The following PIEZO2 variants were observed in gnomAD, a reference collection of about 807,000 sequenced individuals.
PIEZO2 encodes the protein piezo-type mechanosensitive ion channel component 2.
In PIEZO2, 172 loss-of-function variants were observed where a neutral mutation model predicts 337.3. The observed-to-expected ratio is 0.51, with a 90% CI of 0.45 to 0.58. The LOEUF (loss-of-function observed/expected upper bound fraction) is 0.58, where lower values mean the gene tolerates loss of function less well. Among genes scored for constraint, PIEZO2 ranks in the 20% least tolerant of loss-of-function variants. PIEZO2 has a pLI of 0.00. For synonymous variants in PIEZO2, 1,251 were observed against 1,228.5 expected (o/e 1.02, Z -0.38); for missense variants, 3,028 against 3,391.3 (o/e 0.89, Z 2.66).
chr18:11,078,278 G>A lies in PIEZO2; in HGVS notation c.65-12056C>T, dbSNP rs2145972619. On this transcript the variant is annotated intron_variant, in intron 1 of 55. Coordinates refer to ENST00000674853, the MANE Select transcript of PIEZO2 (RefSeq NM_001378183.1). This position sits in a 1 kb window ranked among gnomAD's most constrained non-coding sequence, Gnocchi z 5.3. ...ATAGTTTCCTACTTTCAAGAACTTA[G>A]TAAAAATAGAATTTTTTGTAGACTT... Among the ~76,000 whole-genome samples, 1 of 152,242 alleles carries A rather than the reference G, an allele frequency of 6.6e-6. No individual in the cohort carries two copies. The highest frequency in any genetic ancestry group is 1.5e-5 in the Non-Finnish European group (1 of 68,014).
At chr18:10,758,667 T>C (rs769636256) in intron 26 of PIEZO2, among the ~76,000 whole-genome samples, 4 of 152,186 alleles carry the variant, frequency 2.6e-5, no homozygotes, top group Non-Finnish European at 4.4e-5. Flanking sequence ...TTCCCCATCT[T>C]TATCTTTTTA....
rs1339490005 is a variant in PIEZO2, at chr18:10,856,946, A to G, written c.703+55T>C. 2.6e-5 allele frequency: 38 copies of G among 1,437,734 alleles called. No homozygotes were observed. In the East Asian group the frequency reaches 8.2e-4, roughly 31 times the overall value. 89.1% of individuals were successfully genotyped at this position (1,437,734 alleles called of 1,614,324 possible). Reference sequence around the variant, plus strand: ...TCTTCTTCAACCATTTCTCTCATTCACCAAAGCACTGCTTGTGCCTTTTGC... The same window carrying G: ...TCTTCTTCAACCATTTCTCTCATTCGCCAAAGCACTGCTTGTGCCTTTTGC... On this transcript the variant is annotated intron_variant, in intron 6 of 55. Coordinates refer to ENST00000674853, the MANE Select transcript of PIEZO2 (RefSeq NM_001378183.1). This position sits in a 1 kb window ranked among gnomAD's most constrained non-coding sequence, Gnocchi z 4.7.
chr18:10,767,246 T>C lies in PIEZO2; in HGVS notation c.2946+2902A>G, dbSNP rs1413522256. Among the ~76,000 whole-genome samples the C allele has an allele frequency of 6.6e-6, 1 of 152,222 alleles. No homozygotes were observed. The highest frequency in any genetic ancestry group is 1.5e-5 in the Non-Finnish European group (1 of 68,038). ...AAAGCAGTGTCACTCCTGAATAAGA[T>C]GCTGATGGAAAATAAAGGTTTCTCT... On this transcript the variant is annotated intron_variant, in intron 21 of 55. Transcript: ENST00000674853. This position sits in a 1 kb window ranked among gnomAD's most constrained non-coding sequence, Gnocchi z 4.2.
intron 1 of PIEZO2, among the ~76,000 whole-genome samples, chr18:11,074,416 T>C (rs939211338): frequency 3.3e-5 from 5 of 152,230 alleles, no homozygotes; most frequent in African/African-American, 1.2e-4. Context: ...CATTGTAGTT[T>C]CCACTATTTG....
chr18:10,769,276 G>C (rs1473754537), intron 21 of PIEZO2, among the ~76,000 whole-genome samples: 2 of 152,180 alleles, frequency 1.3e-5, no homozygotes, highest in African/African-American at 4.8e-5. Context: ...GAATCTCGCA[G>C]ATAGAATGGC....
chr18:10,757,152 A>G (rs2037902220), intron 27 of PIEZO2, among the ~76,000 whole-genome samples: 1 of 148,360 alleles, frequency 6.7e-6, no homozygotes, highest in African/African-American at 2.5e-5. Flanking sequence ...TGAGGGATGG[A>G]GAATATGGAT....
chr18:11,137,490 CAGAG>C (rs769315706), intron 1 of PIEZO2, among the ~76,000 whole-genome samples: 5 of 152,184 alleles, frequency 3.3e-5, no homozygotes, highest in Admixed American at 2.6e-4. Context: ...AATTGAAAAA[CAGAG>C]AGTTTCTGTA....
rs1306007091 is a variant in PIEZO2, at chr18:10,716,129, G to C, written c.5090-313C>G. Among the ~76,000 whole-genome samples, 1 of 152,132 alleles carries C rather than the reference G, an allele frequency of 6.6e-6. No homozygotes were observed. The highest frequency in any genetic ancestry group is 2.4e-5 in the African/African-American group (1 of 41,422). ...TTTGGACAGCGTGGATCCACTCTAC[G>C]CGTGGATTGTTTTCAGTAAAAGTTA... On this transcript the variant is annotated intron_variant, in intron 37 of 55. Transcript: ENST00000674853. This position sits in a 1 kb window ranked among gnomAD's most constrained non-coding sequence, Gnocchi z 4.1.
chr18:10,706,667 A>G (rs185754097), intron 40 of PIEZO2, among the ~76,000 whole-genome samples: 6 of 152,052 alleles, frequency 3.9e-5, no homozygotes, highest in Non-Finnish European at 7.3e-5. Context: ...TTGTTCCTTT[A>G]AACTTTCCCT....
At chr18:10,777,420 C>A (rs1330401296) in intron 18 of PIEZO2, among the ~76,000 whole-genome samples, 1 of 152,218 alleles carries the variant, frequency 6.6e-6, no homozygotes, top group Non-Finnish European at 1.5e-5. Flanking sequence ...AAGACAGAAT[C>A]CAGTCCTGCT....
At chr18:10,690,960 A>T (rs1015944010) in intron 48 of PIEZO2, among the ~76,000 whole-genome samples, 1 of 152,204 alleles carries the variant, frequency 6.6e-6, no homozygotes, top group African/African-American at 2.4e-5. Flanking sequence ...CCTATTTTTC[A>T]TTCTCAAATA....
At position 10,942,329 on chromosome 18, in the gene PIEZO2, A is replaced by C. The variant is rs8097709; in HGVS notation, c.287-31101T>G. Among the ~76,000 whole-genome samples, 12,885 of 152,248 alleles carry C rather than the reference A, an allele frequency of 0.085. 642 individuals are homozygous for C. Among genetic ancestry groups the C allele is most frequent in the Admixed American group, 0.13 (1,994 of 15,296 alleles). ...TATGTGGGAAAGCTTGGAACTCCCT[A>C]GAGACTTGTTGAATGGCTTTAACCA... is the stretch of plus-strand genomic sequence containing the variant. On this transcript the variant is annotated intron_variant, in intron 3 of 55. Coordinates refer to ENST00000674853, the MANE Select transcript of PIEZO2 (RefSeq NM_001378183.1). The surrounding 1 kb of genome is among the most constrained non-coding windows in gnomAD (Gnocchi z 4.4).
chr18:11,041,808 T>A (rs1264511376), intron 2 of PIEZO2, among the ~76,000 whole-genome samples: 1 of 152,214 alleles, frequency 6.6e-6, no homozygotes, highest in Non-Finnish European at 1.5e-5. Context: ...ACCTCTTTAT[T>A]GAAATCTCCA....
chr18:10,764,179 T>C (rs2038258091), intron 21 of PIEZO2, among the ~76,000 whole-genome samples: 1 of 152,226 alleles, frequency 6.6e-6, no homozygotes, highest in Non-Finnish European at 1.5e-5. Context: ...TGGGAAACGC[T>C]CATTTATTCT....
At chr18:11,043,203 G>A (rs1468739157) in intron 2 of PIEZO2, among the ~76,000 whole-genome samples, 1 of 150,726 alleles carries the variant, frequency 6.6e-6, no homozygotes, top group Non-Finnish European at 1.5e-5. Context: ...CCAAGCAAAT[G>A]GTGATTTGAA....
At chr18:11,137,617 G>A (rs1347807629) in intron 1 of PIEZO2, among the ~76,000 whole-genome samples, 1 of 152,160 alleles carries the variant, frequency 6.6e-6, no homozygotes, top group Non-Finnish European at 1.5e-5. Context: ...GCAGGGGTCC[G>A]TGTACCTGCA....
Position 11,002,660 on chromosome 18 carries a change from G to T in PIEZO2, c.161-23000C>A, listed in dbSNP as rs1354600823. 6.6e-6 allele frequency among the ~76,000 whole-genome samples: 1 copy of T among 152,232 alleles called. No individual in the cohort carries two copies. The highest frequency in any genetic ancestry group is 1.5e-5 in the Non-Finnish European group (1 of 68,034). On this transcript the variant is annotated intron_variant, in intron 2 of 55. Coordinates refer to ENST00000674853, the MANE Select transcript of PIEZO2 (RefSeq NM_001378183.1). The surrounding 1 kb of genome is among the most constrained non-coding windows in gnomAD (Gnocchi z 4.3). ...CTAATATTCTTAATATTATGAGACA[G>T]TTGCTTTGTTGCAATGTTTTACTGG...
chr18:11,137,887 T>A (rs1019153470), intron 1 of PIEZO2, among the ~76,000 whole-genome samples: 2 of 152,188 alleles, frequency 1.3e-5, no homozygotes, highest in African/African-American at 4.8e-5. Flanking sequence ...AAAACATTTT[T>A]AAAAATAATA....
Position 11,033,277 on chromosome 18 carries a change from T to A in PIEZO2, c.160+32850A>T, listed in dbSNP as rs1183695610. Among the ~76,000 whole-genome samples, 1 of 152,196 alleles carries A rather than the reference T, an allele frequency of 6.6e-6. No homozygotes were observed. The highest frequency in any genetic ancestry group is 1.9e-4 in the East Asian group (1 of 5,194). ...AGGCTGGCCTATGGAGAAGGCAGGA[T>A]CTGACTCTAACATCATTCCTGGCTG... On this transcript the variant is annotated intron_variant, in intron 2 of 55. Coordinates refer to ENST00000674853, the MANE Select transcript of PIEZO2 (RefSeq NM_001378183.1). The surrounding 1 kb of genome is among the most constrained non-coding windows in gnomAD (Gnocchi z 4.2).
Sources: gnomAD v4.1 joint callset for allele counts (sites outside exome capture counted in the v4.1 genomes callset) on GRCh38, gnomAD v4.1.1 for gene constraint, Gnocchi (gnomAD v3.1) non-coding constraint, MANE v1.5 for transcripts, NCBI Gene and HGNC (gene_info 2026-07-23, HGNC 2026-07-21) for gene names.